The following SHROOM4 variants were observed in gnomAD, a reference collection of about 807,000 sequenced individuals.
SHROOM4 encodes protein Shroom4.
A neutral mutation model predicts 80.3 loss-of-function variants in SHROOM4; 17 were observed. That is an observed-to-expected ratio of 0.21 (90% CI 0.14 to 0.32). SHROOM4 has a LOEUF of 0.32. Ranked by LOEUF, SHROOM4 falls within the 10% of genes least tolerant of loss-of-function variation. The pLI is 1.00. For missense variants in SHROOM4, 993 were observed against 1,140.3 expected (o/e 0.87, Z 1.86); for synonymous variants, 400 against 437.5 (o/e 0.91, Z 1.07).
chrX:50,581,849 C>T (rs1197808976), downstream of SHROOM4, among the ~76,000 whole-genome samples: 1 of 111,500 alleles, frequency 9.0e-6, no homozygotes, highest in Non-Finnish European at 1.9e-5. Context: ...TTCACAATTT[C>T]TCCCACCATC....
chrX:50,770,256 G>C, intron 1 of SHROOM4, among the ~76,000 whole-genome samples: 1 of 111,331 alleles, frequency 9.0e-6, no homozygotes, highest in Non-Finnish European at 1.9e-5. Flanking sequence ...AAATAGCCTC[G>C]GGGAGCCAGC....
chrX:50,663,503 A>G (rs1394951866), intron 2 of SHROOM4, among the ~76,000 whole-genome samples: 1 of 109,627 alleles, frequency 9.1e-6, no homozygotes, highest in African/African-American at 3.3e-5. Flanking sequence ...ACAAATTCCA[A>G]TCTCATACTT....
intron 2 of SHROOM4, among the ~76,000 whole-genome samples, chrX:50,672,893 A>G (rs1268387227): frequency 8.9e-6 from 1 of 112,038 alleles, no homozygotes; most frequent in Non-Finnish European, 1.9e-5. Context: ...ATTTTTTTCA[A>G]CTACTGAAAG....
At chrX:50,679,582 T>C (rs1932900594) in intron 2 of SHROOM4, among the ~76,000 whole-genome samples, 1 of 111,790 alleles carries the variant, frequency 8.9e-6, no homozygotes, top group Non-Finnish European at 1.9e-5. Context: ...TACATAATAA[T>C]TGTACATACT....
At chrX:50,760,760 C>T (rs1187081799) in intron 1 of SHROOM4, among the ~76,000 whole-genome samples, 1 of 111,739 alleles carries the variant, frequency 8.9e-6, no homozygotes, top group Non-Finnish European at 1.9e-5. Flanking sequence ...CTATTTGTAT[C>T]TTTGAATTGA....
At chrX:50,790,156 T>C (rs1557271403) in intron 1 of SHROOM4, among the ~76,000 whole-genome samples, 3 of 111,732 alleles carry the variant, frequency 2.7e-5, no homozygotes, top group Non-Finnish European at 3.8e-5. Context: ...TGAAACATCA[T>C]TATGAGATGC....
At chrX:50,696,581 G>A (rs1933376042) in intron 1 of SHROOM4, among the ~76,000 whole-genome samples, 1 of 112,348 alleles carries the variant, frequency 8.9e-6, no homozygotes, top group Admixed American at 9.4e-5. Context: ...GACCTGGAAA[G>A]TGGCTTACAG....
chrX:50,614,505 C>T (rs1557250425), intron 5 of SHROOM4, among the ~76,000 whole-genome samples: 3 of 112,230 alleles, frequency 2.7e-5, no homozygotes, highest in Admixed American at 9.4e-5. Flanking sequence ...AAAAGGTGTT[C>T]GACCTCACTT....
At chrX:50,806,416 T>G (rs994362388) in intron 1 of SHROOM4, among the ~76,000 whole-genome samples, 30 of 112,197 alleles carry the variant, frequency 2.7e-4, no homozygotes, top group African/African-American at 8.8e-4. Context: ...TGAGGAAGAA[T>G]GGATCATCCG....
chrX:50,702,839 A>T (rs1027894633), intron 1 of SHROOM4, among the ~76,000 whole-genome samples: 1 of 112,045 alleles, frequency 8.9e-6, no homozygotes, highest in Non-Finnish European at 1.9e-5. Context: ...AAGGAAAAAG[A>T]GGGTAGATTA....
chrX:50,691,960 T>C (rs781877338), intron 2 of SHROOM4, among the ~76,000 whole-genome samples: 24 of 111,274 alleles, frequency 2.2e-4, no homozygotes, highest in Non-Finnish European at 3.8e-4. Context: ...AATTATGTCA[T>C]TGTAAGCCTT....
At chrX:50,610,352 T>TCTCACACACACA (rs782591424) in intron 5 of SHROOM4, among the ~76,000 whole-genome samples, 12,694 of 91,489 alleles carry the variant, frequency 0.14, 1,059 homozygotes, top group Non-Finnish European at 0.19. Flanking sequence ...TCTCTCTCTC[T>TCTCACACACACA]CACACACACA....
Position 50,634,861 on chromosome X carries a change from T to C in SHROOM4, c.1212A>G (p.Gly404=). The change falls in exon 4 of 9, where the codon GGA becomes GGG. Residue 404 remains glycine (G), a synonymous_variant. Transcript: ENST00000376020. ...ASFGRPPHLI[G]PTGHRHSAPE... ...GGGCACTATGGCGATGCCCTGTGGGTCCTATGAGATGTGGAGGTCTGCCAA... is the reference window on the plus strand; with the variant it reads ...GGGCACTATGGCGATGCCCTGTGGGCCCTATGAGATGTGGAGGTCTGCCAA... The C allele has an allele frequency of 8.3e-7, 1 of 1,206,279 alleles. No individual in the cohort carries two copies. The highest frequency in any genetic ancestry group is 1.1e-6 in the Non-Finnish European group (1 of 892,527).
At chrX:50,736,665 A>G (rs1934500058) in intron 1 of SHROOM4, among the ~76,000 whole-genome samples, 2 of 112,068 alleles carry the variant, frequency 1.8e-5, no homozygotes, top group African/African-American at 6.5e-5. Flanking sequence ...ATTTAGGTTG[A>G]TTCTATGTCT....
intron 1 of SHROOM4, among the ~76,000 whole-genome samples, chrX:50,788,727 A>G (rs1935799980): frequency 8.9e-6 from 1 of 112,388 alleles, no homozygotes; most frequent in African/African-American, 3.2e-5. Context: ...TGAGAGATAT[A>G]GAGTGAGTGA....
chrX:50,599,642 C>T (rs1929301594), intron 7 of SHROOM4, among the ~76,000 whole-genome samples: 1 of 111,753 alleles, frequency 8.9e-6, no homozygotes, highest in Admixed American at 9.5e-5. Flanking sequence ...CCTCATTCTC[C>T]TCTGTGTTCA....
intron 4 of SHROOM4, among the ~76,000 whole-genome samples, chrX:50,628,081 G>A (rs1358691376): frequency 8.9e-6 from 1 of 112,143 alleles, no homozygotes; most frequent in East Asian, 2.8e-4. Flanking sequence ...TTCCAACAGA[G>A]AAAGCATCTA....
intron 1 of SHROOM4, among the ~76,000 whole-genome samples, chrX:50,774,238 G>A (rs1234025617): frequency 9.0e-6 from 1 of 111,336 alleles, no homozygotes; most frequent in African/African-American, 3.3e-5. Flanking sequence ...AAATGTATTG[G>A]TTACAGAGTT....
At chrX:50,717,451 G>C (rs1933992591) in intron 1 of SHROOM4, among the ~76,000 whole-genome samples, 2 of 112,100 alleles carry the variant, frequency 1.8e-5, no homozygotes, top group Non-Finnish European at 3.8e-5. Context: ...TCTATCTCTT[G>C]ACCTCGTGAT....
Sources: allele counts gnomAD v4.1 joint callset (sites outside exome capture counted in the v4.1 genomes callset), GRCh38; gene constraint gnomAD v4.1.1; transcripts MANE v1.5; gene names NCBI Gene and HGNC (gene_info 2026-07-23, HGNC 2026-07-21).